KCNIP4: variants seen among roughly 807,000 people sequenced by gnomAD.
KCNIP4 encodes Kv channel-interacting protein 4.
Under a neutral mutation model 34.0 loss-of-function variants are expected in KCNIP4, and 12 were observed. That is an observed-to-expected ratio of 0.35 (90% CI 0.23 to 0.57). KCNIP4 has a LOEUF of 0.57. KCNIP4 is among the 20% of genes least tolerant of loss of function. KCNIP4 has a pLI of 0.83. For missense variants in KCNIP4, 238 were observed against 311.7 expected (o/e 0.76, Z 1.78); for synonymous variants, 124 against 102.2 (o/e 1.21, Z -1.29).
intron 1 of KCNIP4, among the ~76,000 whole-genome samples, chr4:21,327,713 G>T (rs150927241): frequency 2.0e-5 from 3 of 152,016 alleles, no homozygotes; most frequent in Admixed American, 1.3e-4. Context: ...TCCAGATCAC[G>T]TAGGCATCCT....
chr4:20,770,389 C>T (rs559377277), intron 3 of KCNIP4, among the ~76,000 whole-genome samples: 1 of 151,868 alleles, frequency 6.6e-6, no homozygotes, highest in Admixed American at 6.6e-5. Context: ...CTGCCTATAT[C>T]CAGAGCAGAA....
At chr4:21,290,815 G>C (rs1486497370) in intron 1 of KCNIP4, among the ~76,000 whole-genome samples, 7 of 152,162 alleles carry the variant, frequency 4.6e-5, no homozygotes, top group African/African-American at 9.7e-5. Context: ...GTCAGGAAGG[G>C]AAGTTCATGA....
rs55654264 is a variant in KCNIP4, at chr4:21,621,868, T to C, written c.61+326703A>G. 2.3e-3 allele frequency among the ~76,000 whole-genome samples: 357 copies of C among 152,246 alleles called. 4 individuals carry two copies. Among genetic ancestry groups the C allele is most frequent in the African/African-American group, 8.4e-3 (347 of 41,542 alleles). On this transcript the variant is annotated intron_variant, in intron 1 of 8. Coordinates refer to ENST00000382152, the MANE Select transcript of KCNIP4 (RefSeq NM_025221.6). ...AGGTTGGAGCCAGTGCCTTTATCTA[T>C]TGAACAATCAGAAAGAAAAGAATGA...
intron 1 of KCNIP4, among the ~76,000 whole-genome samples, chr4:21,309,830 A>G (rs1281256484): frequency 1.3e-5 from 2 of 152,198 alleles, no homozygotes; most frequent in Non-Finnish European, 2.9e-5. Context: ...AAAGTCTTTA[A>G]GAAAGTATGG....
At chr4:21,459,700 A>C (rs2109770764) in intron 1 of KCNIP4, among the ~76,000 whole-genome samples, 1 of 152,100 alleles carries the variant, frequency 6.6e-6, no homozygotes, top group South Asian at 2.1e-4. Flanking sequence ...CCCCCATTTC[A>C]GGACAGGTGA....
chr4:21,207,089 G>A (rs968128979), intron 1 of KCNIP4, among the ~76,000 whole-genome samples: 3 of 152,192 alleles, frequency 2.0e-5, no homozygotes, highest in Non-Finnish European at 2.9e-5. Flanking sequence ...CCCCTGGTTA[G>A]TCAGGGTGGT....
chr4:21,915,384 A>T (rs1728572684), intron 1 of KCNIP4, among the ~76,000 whole-genome samples: 1 of 152,168 alleles, frequency 6.6e-6, no homozygotes, highest in African/African-American at 2.4e-5. Flanking sequence ...CTTTTGCAAG[A>T]TCCTTTGTCT....
intron 5 of KCNIP4, among the ~76,000 whole-genome samples, chr4:20,735,613 T>TCCACCTC (rs1323223363): frequency 1.3e-5 from 2 of 149,316 alleles, no homozygotes; most frequent in African/African-American, 5.0e-5. Context: ...CACTGCAACT[T>TCCACCTC]CCACCTCCCA....
At chr4:21,896,519 G>T (rs1045439982) in intron 1 of KCNIP4, among the ~76,000 whole-genome samples, 1 of 136,084 alleles carries the variant, frequency 7.3e-6, no homozygotes. Flanking sequence ...AGAGGAGTAA[G>T]GACAAAGGAA....
chr4:21,921,051 A>C (rs10938866), intron 1 of KCNIP4, among the ~76,000 whole-genome samples: 38,517 of 151,938 alleles, frequency 0.25, 5,694 homozygotes, highest in East Asian at 0.61. Context: ...TAAGTGCTTG[A>C]GTTTTCCTTG....
chr4:21,876,490 T>C (rs1048631433), intron 1 of KCNIP4, among the ~76,000 whole-genome samples: 8 of 152,030 alleles, frequency 5.3e-5, no homozygotes, highest in African/African-American at 9.7e-5. Context: ...AGGAAATACA[T>C]TAATTAGAAA....
Position 20,839,000 on chromosome 4 carries a change from G to A in KCNIP4, c.288+11543C>T, listed in dbSNP as rs536460346. On this transcript the variant is annotated intron_variant, in intron 3 of 8. Coordinates refer to ENST00000382152, the MANE Select transcript of KCNIP4 (RefSeq NM_025221.6). Reference sequence around the variant, plus strand: ...TTTGATTTTTGCAAAATCCCAGTGAGGGAATCATTATGAGAAAGATTATGT... The same window carrying A: ...TTTGATTTTTGCAAAATCCCAGTGAAGGAATCATTATGAGAAAGATTATGT... 5.3e-5 allele frequency among the ~76,000 whole-genome samples: 8 copies of A among 152,256 alleles called. No homozygotes were observed. The East Asian group carries it at 1.4e-3, about 26-fold the overall frequency.
At chr4:21,027,594 G>T (rs1438677168) in intron 1 of KCNIP4, among the ~76,000 whole-genome samples, 1 of 149,022 alleles carries the variant, frequency 6.7e-6, no homozygotes, top group Non-Finnish European at 1.5e-5. Flanking sequence ...ATATATTATA[G>T]ATACAAAATA....
At chr4:21,916,378 A>G (rs993560505) in intron 1 of KCNIP4, among the ~76,000 whole-genome samples, 19 of 152,310 alleles carry the variant, frequency 1.2e-4, no homozygotes, top group African/African-American at 4.3e-4. Flanking sequence ...TTGTCTGAGG[A>G]AAAGGAAAAA....
At chr4:21,021,467 T>C (rs1740026958) in intron 1 of KCNIP4, among the ~76,000 whole-genome samples, 1 of 152,248 alleles carries the variant, frequency 6.6e-6, no homozygotes, top group Admixed American at 6.5e-5. Flanking sequence ...ATTTTGACTC[T>C]TGTAATAACA....
chr4:20,922,904 T>C (rs1463765765), intron 1 of KCNIP4, among the ~76,000 whole-genome samples: 1 of 152,146 alleles, frequency 6.6e-6, no homozygotes, highest in Non-Finnish European at 1.5e-5. Context: ...CCCTCCACTG[T>C]CTCTAAAAAC....
At chr4:21,706,053 A>G (rs1713240579) in intron 1 of KCNIP4, among the ~76,000 whole-genome samples, 1 of 152,190 alleles carries the variant, frequency 6.6e-6, no homozygotes, top group Non-Finnish European at 1.5e-5. Context: ...ACAAAACATA[A>G]TTAGGAAGAG....
At chr4:21,344,277 A>G (rs1009763110) in intron 1 of KCNIP4, among the ~76,000 whole-genome samples, 3 of 152,134 alleles carry the variant, frequency 2.0e-5, no homozygotes, top group Non-Finnish European at 4.4e-5. Context: ...TTAAGTTGCC[A>G]AGGAGAATAA....
At chr4:21,602,073 A>C (rs1743216910) in intron 1 of KCNIP4, among the ~76,000 whole-genome samples, 1 of 152,148 alleles carries the variant, frequency 6.6e-6, no homozygotes, top group Non-Finnish European at 1.5e-5. Flanking sequence ...TGAATGTCTC[A>C]ATGGCTTTGC....
Sources: allele counts gnomAD v4.1 joint callset (sites outside exome capture counted in the v4.1 genomes callset), GRCh38; gene constraint gnomAD v4.1.1; transcripts MANE v1.5; gene names NCBI Gene and HGNC (gene_info 2026-07-23, HGNC 2026-07-21).